NRG3: variants seen among roughly 807,000 people sequenced by gnomAD.
NRG3 encodes the protein neuregulin 3.
A neutral mutation model predicts 66.9 loss-of-function variants in NRG3; 31 were observed. That is an observed-to-expected ratio of 0.46 (90% CI 0.35 to 0.63). NRG3 has a LOEUF of 0.63. Ranked by LOEUF, NRG3 falls within the 20% of genes least tolerant of loss-of-function variation. The pLI, the probability that NRG3 is intolerant of heterozygous loss-of-function variation, is 0.00. For missense variants in NRG3, 910 were observed against 878.9 expected (o/e 1.04, Z -0.45); for synonymous variants, 393 against 359.4 (o/e 1.09, Z -1.06).
intron 4 of NRG3, among the ~76,000 whole-genome samples, chr10:82,870,087 C>T (rs1289910724): frequency 6.8e-6 from 1 of 146,782 alleles, no homozygotes; most frequent in Non-Finnish European, 1.5e-5. Flanking sequence ...CCAGGATGGT[C>T]TCGATCTCCT....
chr10:82,297,065 A>G (rs1054382373), intron 1 of NRG3, among the ~76,000 whole-genome samples: 3 of 152,160 alleles, frequency 2.0e-5, no homozygotes, highest in Middle Eastern at 3.2e-3. Flanking sequence ...ATAAATTCAC[A>G]TAGGACACTG....
At chr10:82,310,977 C>G (rs59046588) in intron 1 of NRG3, among the ~76,000 whole-genome samples, 1,743 of 150,920 alleles carry the variant, frequency 0.012, 58 homozygotes, top group African/African-American at 0.04. Context: ...ATGAGAGTGA[C>G]AGTTCTTTCC....
At position 81,935,876 on chromosome 10, in the gene NRG3, AACACACACACACAC is replaced by A. The variant is rs55670416; in HGVS notation, c.823+59749_823+59762del. Among the ~76,000 whole-genome samples, 1,040 of 132,508 alleles carry A rather than the reference AACACACACACACAC, an allele frequency of 7.8e-3. 12 individuals carry two copies. Among genetic ancestry groups the A allele is most frequent in the Non-Finnish European group, 8.9e-3 (551 of 61,668 alleles). The allele number at this position is 132,508 out of a possible 152,430, so 86.9% of individuals were successfully genotyped here. On this transcript the variant is annotated intron_variant, in intron 1 of 8. Coordinates refer to ENST00000372141, the MANE Select transcript of NRG3 (RefSeq NM_001010848.4). ...TTTTCATTATACTTTTCAGTGCCTG[AACACACACACACAC>A]ACACACACACACACACACACACACA...
intron 2 of NRG3, among the ~76,000 whole-genome samples, chr10:82,506,187 G>T (rs930463510): frequency 1.3e-5 from 2 of 152,182 alleles, no homozygotes; most frequent in Admixed American, 1.3e-4. Context: ...GGCAGAGGTT[G>T]CAGTGAGTCG....
intron 2 of NRG3, among the ~76,000 whole-genome samples, chr10:82,665,886 A>G (rs2052736026): frequency 6.6e-6 from 1 of 152,002 alleles, no homozygotes; most frequent in South Asian, 2.1e-4. Context: ...TTTCTTTCAG[A>G]CAGTCTCACT....
intron 1 of NRG3, among the ~76,000 whole-genome samples, chr10:81,951,164 G>A (rs1178080685): frequency 6.6e-6 from 1 of 152,014 alleles, no homozygotes; most frequent in Admixed American, 6.6e-5. Flanking sequence ...TCCATATGTA[G>A]GAGAGTCGTA....
intron 3 of NRG3, among the ~76,000 whole-genome samples, chr10:82,802,653 A>AT (rs535848138): frequency 5.6e-4 from 85 of 151,618 alleles, no homozygotes; most frequent in Non-Finnish European, 5.7e-4. Context: ...CTTTATTTTT[A>AT]TTTTTTTTAA....
At chr10:82,071,013 T>C (rs2064777149) in intron 1 of NRG3, among the ~76,000 whole-genome samples, 1 of 152,214 alleles carries the variant, frequency 6.6e-6, no homozygotes, top group African/African-American at 2.4e-5. Context: ...GAAATATCTT[T>C]AATAAATGTA....
chr10:82,170,192 C>T (rs565843574), intron 1 of NRG3, among the ~76,000 whole-genome samples: 31 of 152,112 alleles, frequency 2.0e-4, no homozygotes, highest in African/African-American at 6.7e-4. Context: ...CTAATGGAGT[C>T]CCATCTGTTC....
rs139393660 is a variant in NRG3 at position 82,628,814 on chromosome 10, A to G, written c.954-109763A>G. 2.0e-5 allele frequency among the ~76,000 whole-genome samples: 3 copies of G among 152,320 alleles called. No individual in the cohort carries two copies. The East Asian group carries it at 5.8e-4, about 29-fold the overall frequency. On this transcript the variant is annotated intron_variant, in intron 2 of 8. Coordinates refer to ENST00000372141, the MANE Select transcript of NRG3 (RefSeq NM_001010848.4). The stretch of plus-strand genomic sequence containing the variant: ...TACCACTGTATTCAATGACTTCAAC[A>G]GCTTCAATATGGAAGGAGGATTTAA...
At chr10:82,380,720 T>C (rs1346100278) in intron 2 of NRG3, among the ~76,000 whole-genome samples, 2 of 152,154 alleles carry the variant, frequency 1.3e-5, no homozygotes, top group African/African-American at 4.8e-5. Context: ...AAGTGTACAT[T>C]GGTATAACAA....
At chr10:82,904,391 A>AGAC (rs1374000478) in intron 4 of NRG3, among the ~76,000 whole-genome samples, 4 of 152,172 alleles carry the variant, frequency 2.6e-5, no homozygotes, top group African/African-American at 9.7e-5. Flanking sequence ...TAATCATTCA[A>AGAC]CAACAGAAAA....
chr10:82,234,376 G>A (rs915880535), intron 1 of NRG3, among the ~76,000 whole-genome samples: 2 of 152,146 alleles, frequency 1.3e-5, no homozygotes, highest in Non-Finnish European at 2.9e-5. Flanking sequence ...CATTTCAGCA[G>A]TTTGTCTGTT....
chr10:82,356,011 A>T (rs1220825683), intron 1 of NRG3, among the ~76,000 whole-genome samples: 1 of 152,216 alleles, frequency 6.6e-6, no homozygotes, highest in Non-Finnish European at 1.5e-5. Flanking sequence ...TCTTTAAGCT[A>T]TGGAAATGGA....
chr10:82,362,329 A>ATGTGTGTG (rs1426971423), intron 2 of NRG3, among the ~76,000 whole-genome samples: 1 of 132,264 alleles, frequency 7.6e-6, no homozygotes, highest in African/African-American at 3.2e-5. Context: ...ATGTGTATAT[A>ATGTGTGTG]TATATGTGTG....
intron 1 of NRG3, among the ~76,000 whole-genome samples, chr10:82,018,564 T>A (rs1421070682): frequency 6.6e-6 from 1 of 152,216 alleles, no homozygotes; most frequent in South Asian, 2.1e-4. Context: ...TTCCTATCCA[T>A]GAGCATGGAA....
chr10:82,365,680 C>A (rs972045326), intron 2 of NRG3, among the ~76,000 whole-genome samples: 84 of 152,164 alleles, frequency 5.5e-4, no homozygotes, highest in African/African-American at 1.9e-3. Flanking sequence ...TAGTACATTG[C>A]TTTGGATATG....
chr10:82,910,145 A>G lies in NRG3; in HGVS notation c.1055-41324A>G, dbSNP rs144476797. On this transcript the variant is annotated intron_variant, in intron 4 of 8. Transcript: ENST00000372141. ...AAATTATAGAGAACTGTGAAGATTCAACACGCTGGCTGCAGAAAATTTTTA... is the reference window on the plus strand; with the variant it reads ...AAATTATAGAGAACTGTGAAGATTCGACACGCTGGCTGCAGAAAATTTTTA... Among the ~76,000 whole-genome samples, 296 of 152,340 alleles carry G rather than the reference A, an allele frequency of 1.9e-3. 3 individuals carry two copies. The highest frequency in any genetic ancestry group is 6.8e-3 in the African/African-American group (282 of 41,582).
At chr10:82,972,786 T>C (rs191227166) in intron 6 of NRG3, among the ~76,000 whole-genome samples, 90 of 152,290 alleles carry the variant, frequency 5.9e-4, no homozygotes, top group African/African-American at 1.7e-3. Flanking sequence ...TATCTCACCA[T>C]ATAGATGTGA....
Sources: gnomAD v4.1 joint callset for allele counts (sites outside exome capture counted in the v4.1 genomes callset) on GRCh38, gnomAD v4.1.1 for gene constraint, MANE v1.5 for transcripts, NCBI Gene and HGNC (gene_info 2026-07-23, HGNC 2026-07-21) for gene names.